PMEPA1: variants seen among roughly 807,000 people sequenced by gnomAD.
The protein encoded by PMEPA1 is protein TMEPAI.
PMEPA1 carries 11 observed loss-of-function variants against 23.0 expected under a neutral mutation model. The ratio of observed to expected loss-of-function variants is 0.48; its 90% CI spans 0.30 to 0.79. PMEPA1 has a LOEUF of 0.79. Among genes scored for constraint, PMEPA1 ranks in the 30% least tolerant of loss-of-function variants. The pLI is 0.06. For missense variants in PMEPA1, 377 were observed against 390.9 expected, an observed-to-expected ratio of 0.96 and a Z score of 0.30; for synonymous variants, 204 against 166.4, an observed-to-expected ratio of 1.23 and a Z score of -1.74.
At chr20:57,690,436 C>T in intron 1 of PMEPA1, 7 of 1,304,276 alleles carry the variant, frequency 5.4e-6, no homozygotes, top group Middle Eastern at 2.1e-4. Flanking sequence ...TTTCGCCTGT[C>T]ATTTATCAAA....
rs993288195 is a variant in PMEPA1, at chr20:57,652,822, G to A, written c.318+211C>T. Among the ~76,000 whole-genome samples the A allele has an allele frequency of 2.6e-5, 4 of 152,202 alleles. No homozygotes were observed. The highest frequency in any genetic ancestry group is 2.1e-4 in the South Asian group (1 of 4,832). On this transcript the variant is annotated intron_variant, in intron 3 of 3. Coordinates refer to ENST00000341744, the MANE Select transcript of PMEPA1 (RefSeq NM_020182.5). The surrounding 1 kb of genome is among the most constrained non-coding windows in gnomAD (Gnocchi z 6.1). ...CCGCCCTCCTCCAAACAGTGGCAGC[G>A]TCCGTGCTCCCGTGTGCAGAGAGCA... is the stretch of plus-strand genomic sequence containing the variant.
intron 2 of PMEPA1, among the ~76,000 whole-genome samples, chr20:57,654,340 G>A (rs2071295720): frequency 6.6e-6 from 1 of 152,170 alleles, no homozygotes; most frequent in Non-Finnish European, 1.5e-5. Context: ...TAATGAGTAT[G>A]TCCATCACCT....
At chr20:57,693,306 A>G (rs973584084) in intron 1 of PMEPA1, among the ~76,000 whole-genome samples, 6 of 152,190 alleles carry the variant, frequency 3.9e-5, no homozygotes, top group African/African-American at 1.4e-4. Context: ...CCTGCCCCAC[A>G]CAAGTCAGAG....
Position 57,652,046 on chromosome 20 carries a change from G to C in PMEPA1, c.*7C>G. ...TACGCAGCCCCAGCCCGGCCCCCCT[G>C]GGGACCCTAGAGAGGGTGTCCTTTC... is the stretch of plus-strand genomic sequence containing the variant. On this transcript the variant is annotated 3_prime_UTR_variant, in exon 4 of 4. Transcript: ENST00000341744. This position sits in a 1 kb window ranked among gnomAD's most constrained non-coding sequence, Gnocchi z 6.1. The C allele has an allele frequency of 6.8e-7, 1 of 1,468,078 alleles. No individual in the cohort carries two copies. Among genetic ancestry groups the C allele is most frequent in the Non-Finnish European group, 9.0e-7 (1 of 1,105,462 alleles). The allele number at this position is 1,468,078 out of a possible 1,614,324, so 90.9% of individuals were successfully genotyped here.
At chr20:57,675,414 C>T (rs575099732) in intron 1 of PMEPA1, among the ~76,000 whole-genome samples, 17 of 152,354 alleles carry the variant, frequency 1.1e-4, no homozygotes, top group Admixed American at 6.5e-4. Context: ...GTCAGGAGCC[C>T]GACTGAGCTG....
chr20:57,665,933 C>T lies in PMEPA1; in HGVS notation c.110-6236G>A, dbSNP rs557566833. ...ACCTTTCTCTCCCCCAAGGGCCCGC[C>T]GTGGCAACACAAGCCGCTGGGAAGG... On this transcript the variant is annotated intron_variant, in intron 1 of 3. Coordinates refer to ENST00000341744, the MANE Select transcript of PMEPA1 (RefSeq NM_020182.5). 5.9e-5 allele frequency among the ~76,000 whole-genome samples: 9 copies of T among 152,344 alleles called. No homozygotes were observed. The East Asian group carries it at 1.4e-3, about 23-fold the overall frequency.
At chr20:57,658,527 G>C (rs564093108) in intron 2 of PMEPA1, among the ~76,000 whole-genome samples, 31 of 152,296 alleles carry the variant, frequency 2.0e-4, no homozygotes, top group Admixed American at 7.2e-4. Flanking sequence ...CTGTCAGGTG[G>C]ATGGATGGAT....
At chr20:57,661,220 T>G (rs2071414296) in intron 1 of PMEPA1, among the ~76,000 whole-genome samples, 1 of 152,238 alleles carries the variant, frequency 6.6e-6, no homozygotes, top group Non-Finnish European at 1.5e-5. Flanking sequence ...GAAGGTTATT[T>G]TGATCCTGCC....
Position 57,683,518 on chromosome 20 carries a change from C to T in PMEPA1, c.110-23821G>A, listed in dbSNP as rs1267857330. Reference sequence around the variant, plus strand: ...CTGCATGCATTACGAACTTGCATTACTATACTAACTCGGTGGTGGTGTTCT... The same window carrying T: ...CTGCATGCATTACGAACTTGCATTATTATACTAACTCGGTGGTGGTGTTCT... On this transcript the variant is annotated intron_variant, in intron 1 of 3. Transcript: ENST00000341744. The surrounding 1 kb of genome is among the most constrained non-coding windows in gnomAD (Gnocchi z 4.3). Among the ~76,000 whole-genome samples, 1 of 135,300 alleles carries T rather than the reference C, an allele frequency of 7.4e-6. No individual in the cohort carries two copies. Among genetic ancestry groups the T allele is most frequent in the African/African-American group, 3.0e-5 (1 of 32,908 alleles). The allele number at this position is 135,300 out of a possible 152,430, so 88.8% of individuals were successfully genotyped here.
intron 2 of PMEPA1, among the ~76,000 whole-genome samples, chr20:57,658,573 C>G (rs1263220148): frequency 2.0e-5 from 3 of 152,178 alleles, no homozygotes; most frequent in Non-Finnish European, 4.4e-5. Flanking sequence ...AATGACCAGA[C>G]CCGTGCTCTG....
chr20:57,683,826 A>G lies in PMEPA1; in HGVS notation c.110-24129T>C, dbSNP rs941906226. ...TTGGAGTTCTCGGCCTCCGAAGCACACTGTCCAGCCACCTGCACAAAGTCC... is the reference window on the plus strand; with the variant it reads ...TTGGAGTTCTCGGCCTCCGAAGCACGCTGTCCAGCCACCTGCACAAAGTCC... On this transcript the variant is annotated intron_variant, in intron 1 of 3. Coordinates refer to ENST00000341744, the MANE Select transcript of PMEPA1 (RefSeq NM_020182.5). This position sits in a 1 kb window ranked among gnomAD's most constrained non-coding sequence, Gnocchi z 4.3. Among the ~76,000 whole-genome samples the G allele has an allele frequency of 2.0e-5, 3 of 151,804 alleles. No individual in the cohort carries two copies. Among genetic ancestry groups the G allele is most frequent in the African/African-American group, 7.3e-5 (3 of 41,272 alleles).
chr20:57,660,333 A>T (rs1016133743), intron 1 of PMEPA1, among the ~76,000 whole-genome samples: 1 of 151,972 alleles, frequency 6.6e-6, no homozygotes, highest in African/African-American at 2.4e-5. Flanking sequence ...ACTCCTACAC[A>T]CACAACACCA....
chr20:57,703,478 C>T (rs1287607196), intron 1 of PMEPA1, among the ~76,000 whole-genome samples: 1 of 152,188 alleles, frequency 6.6e-6, no homozygotes, highest in East Asian at 1.9e-4. Flanking sequence ...CCTTGTACCC[C>T]CTCTTCCAGC....
At position 57,704,149 on chromosome 20, in the gene PMEPA1, T is replaced by C. The variant is rs1011791478; in HGVS notation, c.109+5325A>G. Among the ~76,000 whole-genome samples, 1 of 152,166 alleles carries C rather than the reference T, an allele frequency of 6.6e-6. No individual in the cohort carries two copies. Among genetic ancestry groups the C allele is most frequent in the African/African-American group, 2.4e-5 (1 of 41,424 alleles). On this transcript the variant is annotated intron_variant, in intron 1 of 3. Transcript: ENST00000341744. The surrounding 1 kb of genome is among the most constrained non-coding windows in gnomAD (Gnocchi z 4.6). ...CAGCACTTAAAACCCAGGAGTTTTA[T>C]GTCAAAATCTAACCATTCGGCTGCC...
At chr20:57,693,185 G>A (rs189049095) in intron 1 of PMEPA1, among the ~76,000 whole-genome samples, 226 of 152,270 alleles carry the variant, frequency 1.5e-3, no homozygotes, top group Middle Eastern at 6.8e-3. Flanking sequence ...CATTCCAGCC[G>A]ACCTGCAGTA....
chr20:57,653,095 G>A lies in PMEPA1; in HGVS notation c.265-9C>T, dbSNP rs6070204. 70,722 of 1,577,490 alleles carry A rather than the reference G, an allele frequency of 0.045. 2,022 individuals are homozygous for A. The highest frequency in any genetic ancestry group is 0.12 in the African/African-American group (9,250 of 74,280). ...GGCCACAGGCATCCTTCCTGCACAG[G>A]AAGAAACGTACAAGCAGGGTCAGTG... On this transcript the variant is annotated splice_polypyrimidine_tract_variant and intron_variant, in intron 2 of 3. Coordinates refer to ENST00000341744, the MANE Select transcript of PMEPA1 (RefSeq NM_020182.5).
intron 1 of PMEPA1, among the ~76,000 whole-genome samples, chr20:57,702,193 G>A (rs888549163): frequency 2.0e-5 from 3 of 152,192 alleles, no homozygotes; most frequent in East Asian, 1.9e-4. Context: ...GAACAGCACC[G>A]GAGGTCAGAG....
At chr20:57,669,492 GTGTGCAAGAAGGC>G (rs2071538802) in intron 1 of PMEPA1, among the ~76,000 whole-genome samples, 1 of 152,182 alleles carries the variant, frequency 6.6e-6, no homozygotes. Context: ...ACACAGATGA[GTGTGCAAGAAGGC>G]CCCCTGCAGG....
At chr20:57,705,653 C>T (rs2072072203) in intron 1 of PMEPA1, among the ~76,000 whole-genome samples, 1 of 152,224 alleles carries the variant, frequency 6.6e-6, no homozygotes. Context: ...CAGGCCTTCA[C>T]AGGGACGAAC....
Sources: allele counts gnomAD v4.1 joint callset (sites outside exome capture counted in the v4.1 genomes callset), GRCh38; gene constraint gnomAD v4.1.1; non-coding constraint Gnocchi (gnomAD v3.1); transcripts MANE v1.5; gene names NCBI Gene and HGNC (gene_info 2026-07-23, HGNC 2026-07-21).